MICAL3: variants seen among roughly 807,000 people sequenced by gnomAD.
MICAL3 encodes [F-actin]-monooxygenase MICAL3.
A neutral mutation model predicts 207.4 loss-of-function variants in MICAL3; 62 were observed. The observed-to-expected ratio is 0.30, with a 90% CI of 0.24 to 0.37. The LOEUF is 0.37. MICAL3 is among the 10% of genes least tolerant of loss of function. The probability of loss-of-function intolerance (pLI) is 1.00; values close to 1 mark genes in which losing one functional copy is unlikely to be tolerated. For missense variants in MICAL3, 2,368 were observed against 2,635.6 expected (o/e 0.90, Z 2.22); for synonymous variants, 1,077 against 1,069.3 (o/e 1.01, Z -0.14).
At chr22:17,944,359 T>C (rs556017242) in intron 1 of MICAL3, among the ~76,000 whole-genome samples, 2 of 151,918 alleles carry the variant, frequency 1.3e-5, no homozygotes, top group South Asian at 4.2e-4. Context: ...GGGGTGGCAG[T>C]AGGAGAGGGC....
intron 1 of MICAL3, among the ~76,000 whole-genome samples, chr22:17,972,805 T>C (rs1314695943): frequency 2.0e-5 from 3 of 152,256 alleles, no homozygotes; most frequent in Non-Finnish European, 4.4e-5. Context: ...ATTGTGCAAC[T>C]GAAATTCCAT....
intron 22 of MICAL3, among the ~76,000 whole-genome samples, chr22:17,823,718 C>A (rs188437040): frequency 6.6e-6 from 1 of 152,256 alleles, no homozygotes; most frequent in Non-Finnish European, 1.5e-5. Flanking sequence ...GTGTCCCATC[C>A]CCAAGATCTC....
At chr22:17,811,584 G>C (rs1257280216) in intron 27 of MICAL3, 1 of 152,166 alleles carries the variant, frequency 6.6e-6, no homozygotes, top group Non-Finnish European at 1.5e-5. Context: ...GCAAGTCCAC[G>C]GACTGGACAG....
chr22:17,873,251 T>A (rs551583879), intron 16 of MICAL3, among the ~76,000 whole-genome samples: 1 of 152,354 alleles, frequency 6.6e-6, no homozygotes, highest in Non-Finnish European at 1.5e-5. Context: ...GGCACCCCCA[T>A]GCACGCAGCA....
chr22:17,942,439 C>T (rs1028561437), intron 1 of MICAL3, among the ~76,000 whole-genome samples: 1 of 152,146 alleles, frequency 6.6e-6, no homozygotes, highest in Non-Finnish European at 1.5e-5. Context: ...CTCCACTTAG[C>T]GGAGTGGTGT....
At chr22:17,837,886 C>G (rs1923570079) in intron 20 of MICAL3, among the ~76,000 whole-genome samples, 1 of 152,236 alleles carries the variant, frequency 6.6e-6, no homozygotes, top group Non-Finnish European at 1.5e-5. Flanking sequence ...GGGTCTCACT[C>G]TGTCACCCAG....
At chr22:17,946,977 T>C (rs1157650898) in intron 1 of MICAL3, among the ~76,000 whole-genome samples, 1 of 152,170 alleles carries the variant, frequency 6.6e-6, no homozygotes. Flanking sequence ...CTCTCCATAC[T>C]TCAGATTTCA....
Position 17,902,715 on chromosome 22 carries a change from C to T in MICAL3, c.505G>A (p.Val169Ile). The T allele has an allele frequency of 6.2e-7, 1 of 1,603,234 alleles. No homozygotes were observed. Among genetic ancestry groups the T allele is most frequent in the Non-Finnish European group, 8.5e-7 (1 of 1,173,950 alleles). ...IRQLQLILLKVALILGIEIHV... is the reference protein window; with the variant it reads ...IRQLQLILLKIALILGIEIHV... ...ATTTCAATGCCTAGGATCAAGGCTA[C>T]TTTCAAAAGTATTAGTTGGAGCTGA... is the stretch of plus-strand genomic sequence containing the variant. The change falls in exon 4 of 32, where the codon GTA (valine) becomes ATA (isoleucine). Residue 169 changes from valine (V) to isoleucine (I), a missense_variant. This residue lies in a region of MICAL3 where 400 missense variants were observed against 547.0 expected (regional missense o/e 0.73). Transcript: ENST00000441493. The surrounding 1 kb of genome is among the most constrained non-coding windows in gnomAD (Gnocchi z 4.5).
At chr22:18,019,962 G>A (rs567602271) in intron 1 of MICAL3, among the ~76,000 whole-genome samples, 4 of 151,284 alleles carry the variant, frequency 2.6e-5, no homozygotes, top group East Asian at 2.0e-4. Context: ...ACAGGTGCCC[G>A]CCACCTCGCC....
intron 10 of MICAL3, 148 bp from the exon 11 acceptor site, chr22:17,894,052 T>C: frequency 1.6e-6 from 1 of 634,332 alleles, no homozygotes; most frequent in South Asian, 1.9e-5. Flanking sequence ...CTTTAAATCT[T>C]TTATGAAATA....
chr22:18,020,269 T>C (rs1016730907), intron 1 of MICAL3: 3 of 152,432 alleles, frequency 2.0e-5, no homozygotes, highest in Non-Finnish European at 2.9e-5. Context: ...CCCATCATCC[T>C]TTAAGATAAA....
At chr22:17,999,514 A>C (rs535590848) in intron 1 of MICAL3, among the ~76,000 whole-genome samples, 2 of 152,270 alleles carry the variant, frequency 1.3e-5, no homozygotes, top group South Asian at 4.2e-4. Flanking sequence ...GAGAGGAAAA[A>C]TTTACTTTTA....
chr22:17,906,452 G>A (rs2146267680), intron 2 of MICAL3, 97 bp downstream of exon 2: 1 of 1,605,116 alleles, frequency 6.2e-7, no homozygotes. Context: ...CCCAGACCTT[G>A]TAGATCATAT....
At chr22:17,881,537 T>TG (rs1439319883) in intron 16 of MICAL3, among the ~76,000 whole-genome samples, 9 of 149,082 alleles carry the variant, frequency 6.0e-5, no homozygotes, top group African/African-American at 2.3e-4. Context: ...GAACCAGCGG[T>TG]GCAGCACTTT....
intron 1 of MICAL3, among the ~76,000 whole-genome samples, chr22:17,977,789 C>T (rs574801934): frequency 9.2e-5 from 14 of 152,098 alleles, no homozygotes; most frequent in South Asian, 6.2e-4. Flanking sequence ...TTTGGGAGGC[C>T]GAGGCAGGAG....
At chr22:17,907,829 G>A (rs1448007844) in intron 1 of MICAL3, among the ~76,000 whole-genome samples, 1 of 152,242 alleles carries the variant, frequency 6.6e-6, no homozygotes, top group Admixed American at 6.5e-5. Flanking sequence ...TAAAAGAACT[G>A]AAGAAGTCCT....
At chr22:17,911,447 TG>T (rs1187807818) in intron 1 of MICAL3, among the ~76,000 whole-genome samples, 1 of 152,162 alleles carries the variant, frequency 6.6e-6, no homozygotes, top group African/African-American at 2.4e-5. Context: ...CCAGCGAACG[TG>T]CAAATTTCTG....
Position 17,902,742 on chromosome 22 carries a change from G to T in MICAL3, c.478C>A (p.Arg160Ser). 6.4e-7 allele frequency: 1 copy of T among 1,574,046 alleles called. No homozygotes were observed. The highest frequency in any genetic ancestry group is 8.7e-7 in the Non-Finnish European group (1 of 1,151,926). ...TTCAAAAGTATTAGTTGGAGCTGAC[G>T]GATACCTGGGAGAATACAGAGATGA... ...CAGAIDHISI[R>S]QLQLILLKVA... Residue 160 changes from arginine (R) to serine (S), a missense_variant, in exon 4 of 32, where the codon CGT (arginine) becomes AGT (serine). By Grantham distance (110) the Arg-to-Ser change is moderately radical (BLOSUM62 -1). Around this residue, in one of 4 missense-constraint regions of MICAL3, gnomAD observed 400 missense variants for 547.0 expected, o/e 0.73. Transcript: ENST00000441493. The surrounding 1 kb of genome is among the most constrained non-coding windows in gnomAD (Gnocchi z 4.5).
chr22:18,017,185 G>A (rs1924111751), intron 1 of MICAL3, among the ~76,000 whole-genome samples: 1 of 151,638 alleles, frequency 6.6e-6, no homozygotes, highest in South Asian at 2.1e-4. Flanking sequence ...CTCCTTTTTT[G>A]AAATGAATTA....
Sources: allele counts gnomAD v4.1 joint callset (sites outside exome capture counted in the v4.1 genomes callset), GRCh38; gene constraint gnomAD v4.1.1; regional missense constraint gnomAD v4.1.1; non-coding constraint Gnocchi (gnomAD v3.1); transcripts MANE v1.5; gene names NCBI Gene and HGNC (gene_info 2026-07-23, HGNC 2026-07-21).